Variants in DENND5B observed in about 807,000 individuals in gnomAD.
The protein encoded by DENND5B is DENN domain-containing protein 5B.
In DENND5B, 34 loss-of-function variants were observed where a neutral mutation model predicts 140.6. The observed-to-expected ratio is 0.24, with a 90% CI of 0.18 to 0.32. The LOEUF (loss-of-function observed/expected upper bound fraction) is 0.32. Among genes scored for constraint, DENND5B ranks in the 10% least tolerant of loss-of-function variants. The probability of loss-of-function intolerance (pLI) is 1.00; values close to 1 mark genes in which losing one functional copy is unlikely to be tolerated. For synonymous variants in DENND5B, 551 were observed against 562.1 expected, an observed-to-expected ratio of 0.98 and a Z score of 0.28; for missense variants, 1,142 against 1,560.2, an observed-to-expected ratio of 0.73 and a Z score of 4.52.
chr12:31,402,631 C>T lies in DENND5B; in HGVS notation c.2816G>A (p.Arg939Lys), dbSNP rs755715227. The change falls in exon 15 of 21, where the codon AGG becomes AAG. Residue 939 changes from arginine (R) to lysine (K), a missense_variant. Physicochemically the swap from Arg to Lys is conservative, Grantham distance 26 (BLOSUM62 2). Transcript: ENST00000389082. ...CTTTTTGATTGGGATGATCACTGACCTATACGGAATCACTGAAAGAAAAAT... is the reference window on the plus strand; with the variant it reads ...CTTTTTGATTGGGATGATCACTGACTTATACGGAATCACTGAAAGAAAAAT... ...SVFTTIMIPY[R>K]SVIIPIKKLS... The T allele has an allele frequency of 1.2e-6, 2 of 1,606,590 alleles. No homozygotes were observed. The highest frequency in any genetic ancestry group is 1.7e-6 in the Non-Finnish European group (2 of 1,177,208).
chr12:31,558,797 A>G (rs921818893), intron 1 of DENND5B, among the ~76,000 whole-genome samples: 2 of 152,184 alleles, frequency 1.3e-5, no homozygotes, highest in African/African-American at 4.8e-5. Flanking sequence ...TAGCAAATGA[A>G]AGTTTATTTT....
chr12:31,439,486 C>CT (rs10712521), intron 7 of DENND5B, among the ~76,000 whole-genome samples: 1,737 of 150,746 alleles, frequency 0.012, 17 homozygotes, highest in East Asian at 0.031. Flanking sequence ...TATTAGGTTC[C>CT]TTTTTTTTTT....
intron 1 of DENND5B, among the ~76,000 whole-genome samples, chr12:31,520,348 T>C (rs1591972252): frequency 6.6e-6 from 1 of 152,308 alleles, no homozygotes; most frequent in East Asian, 1.9e-4. Flanking sequence ...ATTATTGCAG[T>C]TTCCAGGCAC....
At chr12:31,440,176 A>AT (rs1195536262) in intron 7 of DENND5B, among the ~76,000 whole-genome samples, 2 of 151,760 alleles carry the variant, frequency 1.3e-5, no homozygotes, top group South Asian at 2.1e-4. Context: ...CTATTAGCAC[A>AT]TTTTTTTTCT....
chr12:31,401,909 G>A (rs894437070), intron 15 of DENND5B, among the ~76,000 whole-genome samples: 2 of 152,112 alleles, frequency 1.3e-5, no homozygotes, highest in African/African-American at 4.8e-5. Flanking sequence ...ATAGGCATGA[G>A]TCACTGCGCC....
chr12:31,583,512 A>G (rs1950281263), intron 1 of DENND5B, among the ~76,000 whole-genome samples: 1 of 151,216 alleles, frequency 6.6e-6, no homozygotes, highest in African/African-American at 2.4e-5. Context: ...CTCCGTCTCT[A>G]CCAAAAAATA....
At chr12:31,436,826 C>T (rs990349795) in intron 7 of DENND5B, among the ~76,000 whole-genome samples, 1 of 151,866 alleles carries the variant, frequency 6.6e-6, no homozygotes, top group Non-Finnish European at 1.5e-5. Flanking sequence ...TGAGTCACTG[C>T]GCCCGACCCA....
chr12:31,387,826 C>A, intron 20 of DENND5B, 40 bp from the exon 21 acceptor site: 1 of 1,586,808 alleles, frequency 6.3e-7, no homozygotes, highest in Non-Finnish European at 8.6e-7. Context: ...GCATTGCTGG[C>A]CTCGCTGCAG....
chr12:31,425,451 A>C (rs963045058), intron 9 of DENND5B, among the ~76,000 whole-genome samples: 1 of 152,252 alleles, frequency 6.6e-6, no homozygotes, highest in Admixed American at 6.5e-5. Flanking sequence ...GATTGCACTT[A>C]GGTAAAAACC....
intron 4 of DENND5B, among the ~76,000 whole-genome samples, chr12:31,455,917 G>A (rs1449410724): frequency 2.6e-5 from 4 of 152,166 alleles, no homozygotes; most frequent in Admixed American, 2.6e-4. Context: ...TAGTTGAGAG[G>A]TTGAGGCAGG....
chr12:31,589,692 A>T (rs1187979635), intron 1 of DENND5B, among the ~76,000 whole-genome samples: 2 of 152,096 alleles, frequency 1.3e-5, no homozygotes, highest in Non-Finnish European at 2.9e-5. Flanking sequence ...CTATGACCTA[A>T]GTCTTTAACA....
At chr12:31,496,730 T>A (rs978038689) in intron 1 of DENND5B, among the ~76,000 whole-genome samples, 2 of 152,000 alleles carry the variant, frequency 1.3e-5, no homozygotes, top group African/African-American at 2.4e-5. Flanking sequence ...ATAAATTTTT[T>A]AAAAAGTAAA....
At chr12:31,504,564 CT>C (rs1216014460) in intron 1 of DENND5B, among the ~76,000 whole-genome samples, 2 of 152,094 alleles carry the variant, frequency 1.3e-5, no homozygotes. Flanking sequence ...GTTTTTCAGC[CT>C]GATCATCATG....
At chr12:31,478,234 A>T (rs991727550) in intron 3 of DENND5B, among the ~76,000 whole-genome samples, 12 of 152,198 alleles carry the variant, frequency 7.9e-5, no homozygotes, top group Non-Finnish European at 1.0e-4. Flanking sequence ...AACGGCTGTC[A>T]ACACACAAAT....
chr12:31,392,871 CA>C lies in DENND5B; in HGVS notation c.3257-176del, dbSNP rs1208746308. Among the ~76,000 whole-genome samples, 5 of 152,280 alleles carry C rather than the reference CA, an allele frequency of 3.3e-5. No individual in the cohort carries two copies. In the East Asian group the frequency reaches 9.7e-4, roughly 29 times the overall value. On this transcript the variant is annotated intron_variant, in intron 17 of 20. Coordinates refer to ENST00000389082, the MANE Select transcript of DENND5B (RefSeq NM_144973.4). ...TTTGGCCAAGTGGGAAGCATCCTGG[CA>C]AAATGGAAAATAATCCAAGCGATCC...
Position 31,382,822 on chromosome 12 carries a change from C to G in DENND5B, c.*4781G>C, listed in dbSNP as rs2137198168. 1 of 151,914 alleles carries G rather than the reference C, an allele frequency of 6.6e-6. No homozygotes were observed. Among genetic ancestry groups the G allele is most frequent in the South Asian group, 2.1e-4 (1 of 4,802 alleles). The allele number at this position is 151,914 out of a possible 1,614,324, so 9.4% of individuals were successfully genotyped here. On this transcript the variant is annotated 3_prime_UTR_variant, in exon 21 of 21. Transcript: ENST00000389082. ...AATCAGATTTTGGAGAGGAGGTTCTCCTTAGATTCTTTTGATCACACTACA... is the reference window on the plus strand; with the variant it reads ...AATCAGATTTTGGAGAGGAGGTTCTGCTTAGATTCTTTTGATCACACTACA...
intron 1 of DENND5B, among the ~76,000 whole-genome samples, chr12:31,496,200 T>C (rs772421167): frequency 1.1e-4 from 17 of 152,326 alleles, no homozygotes; most frequent in Non-Finnish European, 2.2e-4. Flanking sequence ...CTAATTATGG[T>C]CCACATTTCA....
chr12:31,423,178 T>G (rs1943103345), intron 11 of DENND5B, among the ~76,000 whole-genome samples: 1 of 152,042 alleles, frequency 6.6e-6, no homozygotes, highest in Admixed American at 6.6e-5. Flanking sequence ...TAACCTCAGG[T>G]GATCTGCCCA....
At position 31,443,891 on chromosome 12, in the gene DENND5B, CT is replaced by C. The variant is rs1944160874; in HGVS notation, c.1862-967del. 3 of 152,060 alleles carry C rather than the reference CT, an allele frequency of 2.0e-5. No homozygotes were observed. In the South Asian group the frequency reaches 6.2e-4, roughly 32 times the overall value. 9.4% of individuals were successfully genotyped at this position (152,060 alleles called of 1,614,324 possible). On this transcript the variant is annotated intron_variant, in intron 6 of 20. Coordinates refer to ENST00000389082, the MANE Select transcript of DENND5B (RefSeq NM_144973.4). The stretch of plus-strand genomic sequence containing the variant: ...AATGTCCAGAGGATAAGAAACTGGC[CT>C]TTTGAAGAATAAAATAGGTGAATGT...
Sources: allele counts gnomAD v4.1 joint callset (sites outside exome capture counted in the v4.1 genomes callset), GRCh38; gene constraint gnomAD v4.1.1; transcripts MANE v1.5; gene names NCBI Gene and HGNC (gene_info 2026-07-23, HGNC 2026-07-21).